The following VPS54 variants were observed in gnomAD, a reference collection of about 807,000 sequenced individuals.
VPS54 encodes the protein vacuolar protein sorting-associated protein 54.
In VPS54, 45 loss-of-function variants were observed where a neutral mutation model predicts 121.5. That is an observed-to-expected ratio of 0.37 (90% CI 0.29 to 0.47). The LOEUF is 0.47. VPS54 is among the 20% of genes least tolerant of loss of function. The pLI is 0.99. For missense variants in VPS54, 1,090 were observed against 1,131.4 expected, an observed-to-expected ratio of 0.96 and a Z score of 0.52; for synonymous variants, 371 against 385.8, an observed-to-expected ratio of 0.96 and a Z score of 0.45.
chr2:63,940,912 G>C (rs540354433), intron 11 of VPS54, among the ~76,000 whole-genome samples: 6 of 152,210 alleles, frequency 3.9e-5, no homozygotes, highest in Admixed American at 1.3e-4. Flanking sequence ...TCTATAGGTA[G>C]GATCAACATT....
chr2:63,972,784 A>T (rs1676345839), intron 3 of VPS54, among the ~76,000 whole-genome samples: 1 of 152,054 alleles, frequency 6.6e-6, no homozygotes, highest in African/African-American at 2.4e-5. Context: ...AGGCTGAGGC[A>T]CAAGAATCAC....
intron 1 of VPS54, among the ~76,000 whole-genome samples, chr2:64,017,522 A>C (rs1020113111): frequency 3.3e-5 from 5 of 152,184 alleles, no homozygotes; most frequent in African/African-American, 1.2e-4. Flanking sequence ...TTTCCTAGTA[A>C]ACTTTTAGTA....
At chr2:63,920,201 C>T (rs528135569) in intron 14 of VPS54, among the ~76,000 whole-genome samples, 4 of 152,156 alleles carry the variant, frequency 2.6e-5, no homozygotes, top group East Asian at 1.9e-4. Context: ...ATTTACTTAA[C>T]TTTGAGTGGG....
At chr2:63,943,727 CTTT>C (rs1553476083) in intron 10 of VPS54, among the ~76,000 whole-genome samples, 3 of 129,608 alleles carry the variant, frequency 2.3e-5, no homozygotes, top group East Asian at 2.1e-4. Context: ...TTCTTTCTTT[CTTT>C]TTTTTTTTTT....
intron 3 of VPS54, chr2:63,975,304 G>A (rs1676471595): frequency 9.2e-6 from 3 of 325,258 alleles, no homozygotes; most frequent in South Asian, 2.2e-4. Flanking sequence ...AACTTTGGGA[G>A]GAACTTAGCT....
intron 9 of VPS54, 126 bp downstream of exon 9, chr2:63,947,257 A>T: frequency 1.1e-6 from 1 of 932,858 alleles, no homozygotes; most frequent in East Asian, 3.9e-5. Context: ...ATTTTTCTAA[A>T]TTTTCAGTTT....
At chr2:63,916,390 G>A (rs1313723632) in intron 16 of VPS54, among the ~76,000 whole-genome samples, 6 of 152,150 alleles carry the variant, frequency 3.9e-5, no homozygotes, top group Non-Finnish European at 7.4e-5. Context: ...ATCAAATGAT[G>A]CCAATGAGAA....
At chr2:64,016,499 G>A (rs1678700966) in intron 1 of VPS54, among the ~76,000 whole-genome samples, 1 of 152,100 alleles carries the variant, frequency 6.6e-6, no homozygotes, top group African/African-American at 2.4e-5. Context: ...AAGAGAATGG[G>A]GAGTAACTGT....
chr2:64,017,245 A>G (rs547620328), intron 1 of VPS54, among the ~76,000 whole-genome samples: 4 of 151,682 alleles, frequency 2.6e-5, no homozygotes, highest in African/African-American at 9.7e-5. Flanking sequence ...ACTGAGGCAG[A>G]AGAATCACTT....
At chr2:64,003,501 T>G (rs982865231) in intron 1 of VPS54, among the ~76,000 whole-genome samples, 46 of 152,218 alleles carry the variant, frequency 3.0e-4, no homozygotes, top group African/African-American at 1.1e-3. Context: ...TATCAGGCTT[T>G]GCATTTCTTG....
rs1674340483 is a variant in VPS54 at position 63,934,027 on chromosome 2, G to C, written c.1399-14C>G. ...ATTTAATGTTGCCTACAAGAAAATA[G>C]GACACACTTTTAAGGGACGTAAAAT... is the stretch of plus-strand genomic sequence containing the variant. On this transcript the variant is annotated splice_polypyrimidine_tract_variant and intron_variant, in intron 11 of 22. Coordinates refer to ENST00000272322, the MANE Select transcript of VPS54 (RefSeq NM_016516.3). 1 of 1,602,042 alleles carries C rather than the reference G, an allele frequency of 6.2e-7. No homozygotes were observed. Among genetic ancestry groups the C allele is most frequent in the Non-Finnish European group, 8.5e-7 (1 of 1,173,382 alleles).
chr2:63,976,361 AAAAC>A (rs1374417820), intron 3 of VPS54, among the ~76,000 whole-genome samples: 3 of 150,886 alleles, frequency 2.0e-5, no homozygotes, highest in African/African-American at 4.9e-5. Context: ...AAAAAAAAAA[AAAAC>A]AAAAAACAAA....
At chr2:63,935,649 C>T (rs1674420586) in intron 11 of VPS54, among the ~76,000 whole-genome samples, 1 of 152,176 alleles carries the variant, frequency 6.6e-6, no homozygotes, top group South Asian at 2.1e-4. Flanking sequence ...TTTCCAGCTT[C>T]AAGTATCAGT....
intron 1 of VPS54, among the ~76,000 whole-genome samples, chr2:64,006,997 T>G (rs866066530): frequency 6.6e-6 from 1 of 152,286 alleles, no homozygotes; most frequent in African/African-American, 2.4e-5. Flanking sequence ...AATGCAAACT[T>G]TAGGATCCTG....
intron 22 of VPS54, among the ~76,000 whole-genome samples, chr2:63,894,297 G>A (rs981084109): frequency 6.6e-6 from 1 of 152,188 alleles, no homozygotes; most frequent in African/African-American, 2.4e-5. Flanking sequence ...ATGCCCTGAA[G>A]AAATGGTCAC....
intron 1 of VPS54, among the ~76,000 whole-genome samples, chr2:63,986,187 C>T (rs528537789): frequency 7.0e-4 from 106 of 152,000 alleles, no homozygotes; most frequent in African/African-American, 2.5e-3. Flanking sequence ...CTCTAATCAC[C>T]CTGTTAGGCA....
At chr2:63,910,539 A>G (rs1673104168) in intron 20 of VPS54, among the ~76,000 whole-genome samples, 2 of 152,190 alleles carry the variant, frequency 1.3e-5, no homozygotes, top group African/African-American at 4.8e-5. Flanking sequence ...GGAATTATCA[A>G]TTTTGTTAGG....
At chr2:63,977,959 A>T (rs1036720748) in intron 3 of VPS54, among the ~76,000 whole-genome samples, 3 of 152,136 alleles carry the variant, frequency 2.0e-5, no homozygotes, top group African/African-American at 7.2e-5. Flanking sequence ...TTCCCTGCAG[A>T]CCTCTTAAAT....
At position 63,981,822 on chromosome 2, in the gene VPS54, G is replaced by T; in HGVS notation, c.202C>A (p.His68Asn). 1 of 1,613,694 alleles carries T rather than the reference G, an allele frequency of 6.2e-7. No individual in the cohort carries two copies. The highest frequency in any genetic ancestry group is 8.5e-7 in the Non-Finnish European group (1 of 1,179,766). The change falls in exon 3 of 23, where the codon CAT (histidine) becomes AAT (asparagine). Residue 68 changes from histidine to asparagine, a missense_variant. Physicochemically the swap from His to Asn is moderately conservative, Grantham distance 68. Around this residue, in one of 2 missense-constraint regions of VPS54, gnomAD observed 801 missense variants for 757.0 expected, o/e 1.06. Coordinates refer to ENST00000272322, the MANE Select transcript of VPS54 (RefSeq NM_016516.3). The part of the protein sequence containing the change: ...VTDQHRWTVY[H>N]SKVNLPAALN... ...GCTGCTGGGAGATTTACTTTGGAAT[G>T]ATATACAGTCCATCTATGTTGATCT...
Sources: gnomAD v4.1 joint callset for allele counts (sites outside exome capture counted in the v4.1 genomes callset) on GRCh38, gnomAD v4.1.1 for gene constraint, gnomAD v4.1.1 regional missense constraint, MANE v1.5 for transcripts, NCBI Gene and HGNC (gene_info 2026-07-23, HGNC 2026-07-21) for gene names.